Variants in ADCY2 observed in about 807,000 individuals in gnomAD.
ADCY2 encodes adenylate cyclase 2.
Under a neutral mutation model 125.2 loss-of-function variants are expected in ADCY2, and 31 were observed. The observed-to-expected ratio is 0.25, with a 90% CI of 0.19 to 0.33. The LOEUF is 0.33. ADCY2 is among the 10% of genes least tolerant of loss of function. ADCY2 has a pLI of 1.00. For missense variants in ADCY2, 904 were observed against 1,418.2 expected (o/e 0.64, Z 5.82); for synonymous variants, 512 against 548.4 (o/e 0.93, Z 0.93).
chr5:7,432,522 T>G (rs996966574), intron 2 of ADCY2, among the ~76,000 whole-genome samples: 2 of 152,200 alleles, frequency 1.3e-5, no homozygotes, highest in African/African-American at 4.8e-5. Context: ...CCCGCTCACC[T>G]TCGTGCTCCA....
chr5:7,714,119 A>T (rs4701792), intron 11 of ADCY2, among the ~76,000 whole-genome samples: 148,257 of 152,320 alleles, frequency 0.97, 72,274 homozygotes, highest in Middle Eastern at 1. Flanking sequence ...AAGCATTATA[A>T]TTAAGTGGCA....
At chr5:7,472,235 C>T (rs1742366818) in intron 2 of ADCY2, among the ~76,000 whole-genome samples, 1 of 152,098 alleles carries the variant, frequency 6.6e-6, no homozygotes, top group Non-Finnish European at 1.5e-5. Context: ...TTTCCTTGTG[C>T]TCACATAAGA....
chr5:7,618,910 C>A (rs191133476), intron 3 of ADCY2, among the ~76,000 whole-genome samples: 3 of 152,240 alleles, frequency 2.0e-5, no homozygotes, highest in Admixed American at 2.0e-4. Flanking sequence ...TTTTGAAAAG[C>A]ATTGAGATGC....
rs1743586646 is a variant in ADCY2, at chr5:7,772,546, A to T, written c.2215-386A>T. Among the ~76,000 whole-genome samples, 3 of 152,346 alleles carry T rather than the reference A, an allele frequency of 2.0e-5. No homozygotes were observed. The South Asian group carries it at 6.2e-4, about 32-fold the overall frequency. ...GAATTAAAGAATTGAAAGGCCAAAAAAGATCCTATAGACTTAACTTACATT... is the reference window on the plus strand; with the variant it reads ...GAATTAAAGAATTGAAAGGCCAAAATAGATCCTATAGACTTAACTTACATT... On this transcript the variant is annotated intron_variant, in intron 17 of 24. Coordinates refer to ENST00000338316, the MANE Select transcript of ADCY2 (RefSeq NM_020546.3).
At chr5:7,707,559 G>C in intron 8 of ADCY2, 147 bp from the exon 9 acceptor site, 8 of 924,606 alleles carry the variant, frequency 8.7e-6, no homozygotes, top group Non-Finnish European at 1.3e-5. Flanking sequence ...TTCCAAAGCA[G>C]TGGTCAATAG....
chr5:7,495,698 A>G (rs780714060), intron 2 of ADCY2, among the ~76,000 whole-genome samples: 18 of 152,236 alleles, frequency 1.2e-4, no homozygotes, highest in Non-Finnish European at 1.9e-4. Context: ...TGGAACAATC[A>G]TACTGTACCT....
intron 2 of ADCY2, among the ~76,000 whole-genome samples, chr5:7,502,647 A>G (rs1743637938): frequency 6.6e-6 from 1 of 152,216 alleles, no homozygotes; most frequent in Admixed American, 6.5e-5. Context: ...TAGTTAGTGG[A>G]ATGCTCGTGT....
chr5:7,457,926 A>G (rs1741758718), intron 2 of ADCY2, among the ~76,000 whole-genome samples: 1 of 152,238 alleles, frequency 6.6e-6, no homozygotes, highest in Non-Finnish European at 1.5e-5. Flanking sequence ...AATAGCAGAC[A>G]CAAAAAAAGT....
At chr5:7,572,189 A>G (rs748493667) in intron 3 of ADCY2, among the ~76,000 whole-genome samples, 11 of 152,022 alleles carry the variant, frequency 7.2e-5, no homozygotes, top group African/African-American at 1.4e-4. Context: ...TGGTATTTCT[A>G]TCTTCAGGTA....
At chr5:7,792,077 G>A (rs1279108448) in intron 20 of ADCY2, among the ~76,000 whole-genome samples, 3 of 151,954 alleles carry the variant, frequency 2.0e-5, no homozygotes, top group Non-Finnish European at 2.9e-5. Context: ...AGCAAAGGGA[G>A]ATAAGGGAGC....
At chr5:7,421,805 GT>G (rs946495115) in intron 2 of ADCY2, among the ~76,000 whole-genome samples, 1 of 152,176 alleles carries the variant, frequency 6.6e-6, no homozygotes, top group African/African-American at 2.4e-5. Context: ...GGCTATGAAA[GT>G]TTTGAGGCTT....
At chr5:7,446,898 A>G (rs1302136601) in intron 2 of ADCY2, among the ~76,000 whole-genome samples, 5 of 152,182 alleles carry the variant, frequency 3.3e-5, no homozygotes, top group Admixed American at 1.3e-4. Flanking sequence ...GTTCTTCTAC[A>G]ATACCTCTTT....
At chr5:7,633,270 A>C (rs1186608733) in intron 4 of ADCY2, among the ~76,000 whole-genome samples, 1 of 151,904 alleles carries the variant, frequency 6.6e-6, no homozygotes, top group Non-Finnish European at 1.5e-5. Flanking sequence ...GTCTCTACTA[A>C]AAATACAAAA....
intron 10 of ADCY2, among the ~76,000 whole-genome samples, chr5:7,711,662 G>C (rs867008459): frequency 4.6e-5 from 7 of 152,310 alleles, no homozygotes; most frequent in Middle Eastern, 3.4e-3. Context: ...CTGATGCTAT[G>C]TGTTGATGAA....
intron 1 of ADCY2, among the ~76,000 whole-genome samples, chr5:7,405,317 T>C (rs1739436317): frequency 6.6e-6 from 1 of 152,078 alleles, no homozygotes; most frequent in African/African-American, 2.4e-5. Flanking sequence ...TTTTTTTTTT[T>C]TTTAGCTCAT....
chr5:7,473,722 A>G (rs998530029), intron 2 of ADCY2, among the ~76,000 whole-genome samples: 1 of 152,144 alleles, frequency 6.6e-6, no homozygotes, highest in African/African-American at 2.4e-5. Context: ...TCCTTTCTGC[A>G]GTGGTAGGCA....
chr5:7,533,698 A>G (rs900367343), intron 3 of ADCY2, among the ~76,000 whole-genome samples: 5 of 152,194 alleles, frequency 3.3e-5, no homozygotes, highest in Non-Finnish European at 2.9e-5. Flanking sequence ...TACTTTTGAC[A>G]TAAAGAAACC....
chr5:7,802,501 CCTTTT>C lies in ADCY2; in HGVS notation c.2775+138_2775+142del. Reference sequence around the variant, plus strand: ...TAATTTCTGGCAGATGGCATTAAAGCCTTTTGCTTTATTTAGGTCTCTGACTAATT... The same window carrying C: ...TAATTTCTGGCAGATGGCATTAAAGCGCTTTATTTAGGTCTCTGACTAATT... On this transcript the variant is annotated intron_variant, in intron 21 of 24. Coordinates refer to ENST00000338316, the MANE Select transcript of ADCY2 (RefSeq NM_020546.3). The surrounding 1 kb of genome is among the most constrained non-coding windows in gnomAD (Gnocchi z 4.6). 1 of 964,580 alleles carries C rather than the reference CCTTTT, an allele frequency of 1.0e-6. No individual in the cohort carries two copies. The highest frequency in any genetic ancestry group is 1.5e-6 in the Non-Finnish European group (1 of 668,992). 59.8% of individuals were successfully genotyped at this position (964,580 alleles called of 1,614,324 possible).
intron 2 of ADCY2, among the ~76,000 whole-genome samples, chr5:7,518,004 T>G (rs1253256407): frequency 6.6e-6 from 1 of 152,234 alleles, no homozygotes; most frequent in African/African-American, 2.4e-5. Flanking sequence ...AAATGTTATG[T>G]GTAGAAAAAA....
Sources: allele counts gnomAD v4.1 joint callset (sites outside exome capture counted in the v4.1 genomes callset), GRCh38; gene constraint gnomAD v4.1.1; non-coding constraint Gnocchi (gnomAD v3.1); transcripts MANE v1.5; gene names NCBI Gene and HGNC (gene_info 2026-07-23, HGNC 2026-07-21).